PNPLA6: variants seen among roughly 807,000 people sequenced by gnomAD.
PNPLA6 encodes the protein patatin like domain 6, lysophospholipase.
In PNPLA6, 105 loss-of-function variants were observed where a neutral mutation model predicts 153.7. The ratio of observed to expected loss-of-function variants is 0.68; its 90% CI spans 0.58 to 0.80. PNPLA6 has a LOEUF of 0.80. Ranked by LOEUF, PNPLA6 falls within the 30% of genes least tolerant of loss-of-function variation. The pLI, the probability that PNPLA6 is intolerant of heterozygous loss-of-function variation, is 0.00. For synonymous variants in PNPLA6, 825 were observed against 822.2 expected (o/e 1.00, Z -0.06); for missense variants, 1,423 against 1,919.3 (o/e 0.74, Z 4.83).
At chr19:7,554,799 G>C in intron 21 of PNPLA6, 76 bp downstream of exon 21, 1 of 1,588,952 alleles carries the variant, frequency 6.3e-7, no homozygotes, top group South Asian at 1.1e-5. Flanking sequence ...ACCAGGCCAC[G>C]TGCACCCTCG....
At position 7,560,635 on chromosome 19, in the gene PNPLA6, T is replaced by C; in HGVS notation, c.3700-13T>C. 6.3e-7 allele frequency: 1 copy of C among 1,578,506 alleles called. No individual in the cohort carries two copies. Among genetic ancestry groups the C allele is most frequent in the Non-Finnish European group, 8.7e-7 (1 of 1,147,648 alleles). ...GGGTTGCAGACATGGACCCAGCCCC[T>C]CATTTCCCACAGGATGTGGGCTACC... On this transcript the variant is annotated splice_polypyrimidine_tract_variant and intron_variant, in intron 28 of 31. Coordinates refer to ENST00000600737, the MANE Select transcript of PNPLA6 (RefSeq NM_001166114.2).
intron 13 of PNPLA6, among the ~76,000 whole-genome samples, chr19:7,545,010 C>T (rs1599283221): frequency 6.6e-6 from 1 of 150,470 alleles, no homozygotes; most frequent in Middle Eastern, 3.4e-3. Flanking sequence ...CCTGTGCTCT[C>T]CTGTGCTTCT....
intron 26 of PNPLA6, 114 bp downstream of exon 26, chr19:7,556,838 C>G: frequency 1.2e-6 from 1 of 828,522 alleles, no homozygotes; most frequent in South Asian, 1.4e-5. Flanking sequence ...GACCGTCCAC[C>G]CTGGCCCGAT....
chr19:7,536,926 CAAAAAAAAA>C (rs56310906), intron 3 of PNPLA6, among the ~76,000 whole-genome samples: 6 of 53,978 alleles, frequency 1.1e-4, no homozygotes, highest in Non-Finnish European at 1.0e-4. Context: ...GACTCTGTCT[CAAAAAAAAA>C]AAAAAAAAAA....
Position 7,561,059 on chromosome 19 carries a change from G to A in PNPLA6, c.3862G>A (p.Val1288Met). 6.2e-7 allele frequency: 1 copy of A among 1,613,484 alleles called. No homozygotes were observed. The highest frequency in any genetic ancestry group is 8.5e-7 in the Non-Finnish European group (1 of 1,179,830). The change falls in exon 30 of 32, where the codon GTG (valine) becomes ATG (methionine). Residue 1288 changes from valine to methionine, a missense_variant. Transcript: ENST00000600737. ...TGGCTTCACTGACTTGGCAGAGATT[G>A]TGTCCCGGATTGAGCCCCCCACGAG... ...SSGFTDLAEI[V>M]SRIEPPTSYV...
At position 7,554,201 on chromosome 19, in the gene PNPLA6, AC is replaced by A. The variant is rs1467386153; in HGVS notation, c.2402-4del. On this transcript the variant is annotated splice_region_variant and splice_polypyrimidine_tract_variant and intron_variant, in intron 19 of 31. Transcript: ENST00000600737. ...GGTTCCCAGCCTCCCTTCCCCACCTACCCCTAGGTCCGACGCTACTCCTTAA... is the reference window on the plus strand; with the variant it reads ...GGTTCCCAGCCTCCCTTCCCCACCTACCCTAGGTCCGACGCTACTCCTTAA... The A allele has an allele frequency of 1.2e-5, 20 of 1,612,314 alleles. No homozygotes were observed. The highest frequency in any genetic ancestry group is 1.6e-5 in the Non-Finnish European group (19 of 1,179,476).
chr19:7,543,937 C>T (rs947561995), intron 13 of PNPLA6, among the ~76,000 whole-genome samples: 2 of 151,580 alleles, frequency 1.3e-5, no homozygotes, highest in Admixed American at 1.3e-4. Flanking sequence ...CCTCAGCCTC[C>T]CGAGTAGCTG....
At chr19:7,557,925 G>A (rs1048555508) in intron 27 of PNPLA6, among the ~76,000 whole-genome samples, 7 of 151,714 alleles carry the variant, frequency 4.6e-5, no homozygotes, top group African/African-American at 7.2e-5. Context: ...TGCAACACTC[G>A]TGTGCACACC....
intron 18 of PNPLA6, among the ~76,000 whole-genome samples, chr19:7,552,381 C>T (rs1377356036): frequency 6.6e-6 from 1 of 152,192 alleles, no homozygotes; most frequent in Non-Finnish European, 1.5e-5. Context: ...CTTTTCCCTC[C>T]AGGGGTTCTA....
chr19:7,534,877 C>G (rs1382327815), upstream of PNPLA6: 1 of 154,630 alleles, frequency 6.5e-6, no homozygotes, highest in Non-Finnish European at 1.4e-5. Flanking sequence ...CACGCCACCC[C>G]AAGCATCCCA....
chr19:7,550,147 T>C (rs2023579797), intron 14 of PNPLA6, 35 bp downstream of exon 14: 1 of 1,612,046 alleles, frequency 6.2e-7, no homozygotes, highest in Non-Finnish European at 8.5e-7. Context: ...TGGGTGGCAC[T>C]CGGAGGACCC....
chr19:7,560,639 T>G lies in PNPLA6; in HGVS notation c.3700-9T>G, dbSNP rs528382572. On this transcript the variant is annotated splice_polypyrimidine_tract_variant and intron_variant, in intron 28 of 31. Transcript: ENST00000600737. Reference sequence around the variant, plus strand: ...TGCAGACATGGACCCAGCCCCTCATTTCCCACAGGATGTGGGCTACCAGTA... The same window carrying G: ...TGCAGACATGGACCCAGCCCCTCATGTCCCACAGGATGTGGGCTACCAGTA... 1.3e-6 allele frequency: 2 copies of G among 1,586,526 alleles called. No homozygotes were observed. The highest frequency in any genetic ancestry group is 1.1e-5 in the South Asian group (1 of 90,538).
intron 27 of PNPLA6, among the ~76,000 whole-genome samples, chr19:7,558,138 C>T (rs145449429): frequency 4.6e-5 from 7 of 152,300 alleles, no homozygotes; most frequent in Non-Finnish European, 5.9e-5. Flanking sequence ...CACCTCTGAC[C>T]GAGTTAAGTC....
chr19:7,551,557 C>A, intron 18 of PNPLA6, 120 bp downstream of exon 18: 1 of 887,818 alleles, frequency 1.1e-6, no homozygotes, highest in Non-Finnish European at 1.8e-6. Context: ...AGAAATCGTG[C>A]CCCTGAGGGT....
intron 1 of PNPLA6, 82 bp from the exon 2 acceptor site, chr19:7,536,109 G>T: frequency 6.4e-7 from 1 of 1,555,396 alleles, no homozygotes; most frequent in Non-Finnish European, 8.9e-7. Context: ...GGGATTTGCT[G>T]GCGTCTGTTC....
chr19:7,553,067 T>C (rs972615161), intron 18 of PNPLA6, among the ~76,000 whole-genome samples: 1 of 151,996 alleles, frequency 6.6e-6, no homozygotes. Context: ...CTAGGGGCTG[T>C]GGACAGGCAC....
Position 7,555,647 on chromosome 19 carries a change from G to A in PNPLA6, c.2977G>A (p.Ala993Thr). The change falls in exon 24 of 32, where the codon GCG becomes ACG. Residue 993 changes from alanine to threonine, a missense_variant. Physicochemically the swap from Ala to Thr is moderately conservative, Grantham distance 58. Coordinates refer to ENST00000600737, the MANE Select transcript of PNPLA6 (RefSeq NM_001166114.2). This position sits in a 1 kb window ranked among gnomAD's most constrained non-coding sequence, Gnocchi z 6.3. ...CGGAGTACTAAAGGCATTAGAGGAG[G>A]CGGGGGTCCCCGTGGACCTGGTGGG... ...HIGVLKALEE[A>T]GVPVDLVGGT... is the part of the protein sequence containing the mutation. The A allele has an allele frequency of 6.2e-7, 1 of 1,612,976 alleles. No homozygotes were observed. The highest frequency in any genetic ancestry group is 1.1e-5 in the South Asian group (1 of 91,040).
In PNPLA6 at chr19:7,542,047, C is replaced by T. The variant is rs1010222129; in HGVS notation, c.1232C>T (p.Ser411Phe). ...GCCCCTCTGCTGAGCCGCTGCGTCT[C>T]CATGCCAGGGGACATCTCAGGTTTG... The part of the protein sequence containing the change: ...PSAPLLSRCV[S>F]MPGDISGLQG... Residue 411 changes from serine (S) to phenylalanine (F), a missense_variant, in exon 10 of 32, where the codon TCC becomes TTC. Physicochemically the swap from Ser to Phe is radical, Grantham distance 155. Around this residue, in one of 10 missense-constraint regions of PNPLA6, gnomAD observed 267 missense variants for 255.1 expected, o/e 1.05. Transcript: ENST00000600737. 7 of 1,606,896 alleles carry T rather than the reference C, an allele frequency of 4.4e-6. No individual in the cohort carries two copies. The highest frequency in any genetic ancestry group is 5.9e-6 in the Non-Finnish European group (7 of 1,179,884).
At chr19:7,556,770 G>T in intron 26 of PNPLA6, 46 bp downstream of exon 26, 1 of 1,373,560 alleles carries the variant, frequency 7.3e-7, no homozygotes, top group African/African-American at 1.4e-5. Context: ...CGCCACGTGG[G>T]GTTGGGGGGA....
Sources: gnomAD v4.1 joint callset for allele counts (sites outside exome capture counted in the v4.1 genomes callset) on GRCh38, gnomAD v4.1.1 for gene constraint, gnomAD v4.1.1 regional missense constraint, Gnocchi (gnomAD v3.1) non-coding constraint, MANE v1.5 for transcripts, NCBI Gene and HGNC (gene_info 2026-07-23, HGNC 2026-07-21) for gene names.